MIX23: variants seen among roughly 807,000 people sequenced by gnomAD.
MIX23 encodes the protein protein MIX23.
In MIX23, 13 loss-of-function variants were observed where a neutral mutation model predicts 21.6. The ratio of observed to expected loss-of-function variants is 0.60; its 90% CI spans 0.39 to 0.96. The LOEUF (loss-of-function observed/expected upper bound fraction) is 0.96. Among genes scored for constraint, MIX23 ranks in the 40% least tolerant of loss-of-function variants. The pLI is 0.00. For missense variants in MIX23, 144 were observed against 171.2 expected (o/e 0.84, Z 0.89); for synonymous variants, 59 against 58.0 (o/e 1.02, Z -0.08).
At position 122,363,032 on chromosome 3, in the gene MIX23, A is replaced by G. The variant is rs747300141; in HGVS notation, c.325-5T>C. ...TTCTGACTGCATCCATTTCAACTGC[A>G]AGAAAAAAAAAAATTGAAGTTATAA... On this transcript the variant is annotated splice_region_variant and splice_polypyrimidine_tract_variant and intron_variant, in intron 3 of 4. Transcript: ENST00000291458. 2.5e-6 allele frequency: 4 copies of G among 1,604,306 alleles called. No homozygotes were observed. The highest frequency in any genetic ancestry group is 2.6e-6 in the Non-Finnish European group (3 of 1,176,254).
intron 2 of MIX23, among the ~76,000 whole-genome samples, chr3:122,368,573 A>G (rs890636604): frequency 6.6e-6 from 1 of 152,060 alleles, no homozygotes; most frequent in African/African-American, 2.4e-5. Flanking sequence ...CCTGGTATTG[A>G]CTTCAGCTTT....
chr3:122,373,648 T>A (rs929025485), intron 1 of MIX23, among the ~76,000 whole-genome samples: 18 of 152,222 alleles, frequency 1.2e-4, no homozygotes, highest in Non-Finnish European at 2.5e-4. Context: ...ACTTTCTCAT[T>A]AACAAACATT....
At chr3:122,377,239 A>G (rs2075494996) in intron 1 of MIX23, among the ~76,000 whole-genome samples, 1 of 152,232 alleles carries the variant, frequency 6.6e-6, no homozygotes, top group Non-Finnish European at 1.5e-5. Flanking sequence ...AGAAAAAACA[A>G]AAAACAAAAA....
intron 2 of MIX23, among the ~76,000 whole-genome samples, chr3:122,370,289 C>G (rs932365995): frequency 3.3e-5 from 5 of 151,496 alleles, no homozygotes; most frequent in Non-Finnish European, 7.4e-5. Flanking sequence ...CCTATCTCTA[C>G]CAAAAAATAC....
chr3:122,374,621 T>C (rs2075469108), intron 1 of MIX23, among the ~76,000 whole-genome samples: 1 of 151,938 alleles, frequency 6.6e-6, no homozygotes, highest in Non-Finnish European at 1.5e-5. Context: ...CGATCCACGG[T>C]TGATTGAATC....
chr3:122,361,209 T>G (rs575364369), intron 4 of MIX23, among the ~76,000 whole-genome samples: 55 of 152,308 alleles, frequency 3.6e-4, no homozygotes, highest in African/African-American at 1.3e-3. Flanking sequence ...TTTATTAATA[T>G]TCATTAAATT....
intron 1 of MIX23, among the ~76,000 whole-genome samples, chr3:122,378,798 A>G (rs1014586710): frequency 6.6e-6 from 1 of 152,218 alleles, no homozygotes; most frequent in African/African-American, 2.4e-5. Context: ...AGAATTATCA[A>G]TATATGATCT....
At chr3:122,360,404 GA>G (rs1409631439) in intron 4 of MIX23, among the ~76,000 whole-genome samples, 2 of 151,468 alleles carry the variant, frequency 1.3e-5, no homozygotes, top group Non-Finnish European at 2.9e-5. Context: ...ATTATCAAGG[GA>G]AAAAAAAGTG....
intron 1 of MIX23, among the ~76,000 whole-genome samples, chr3:122,382,488 T>G: frequency 6.6e-6 from 1 of 152,216 alleles, no homozygotes; most frequent in East Asian, 1.9e-4. Context: ...GATCATGATT[T>G]TGGAATTCAA....
At chr3:122,371,626 C>T in intron 2 of MIX23, 49 bp downstream of exon 2, 1 of 1,597,254 alleles carries the variant, frequency 6.3e-7, no homozygotes. Context: ...CTTATTCAGC[C>T]TGCAAAGAAA....
intron 1 of MIX23, among the ~76,000 whole-genome samples, chr3:122,376,133 A>G (rs1240133941): frequency 3.8e-5 from 5 of 130,164 alleles, no homozygotes; most frequent in Non-Finnish European, 7.8e-5. Flanking sequence ...ACTGCATTCC[A>G]GCCTGCCTGG....
At chr3:122,367,518 C>T (rs778967502) in intron 3 of MIX23, among the ~76,000 whole-genome samples, 7 of 152,094 alleles carry the variant, frequency 4.6e-5, no homozygotes, top group Non-Finnish European at 1.0e-4. Context: ...CTGACACATC[C>T]CTAGGTAGGT....
chr3:122,366,781 A>T (rs1325436815), intron 3 of MIX23: 1 of 152,088 alleles, frequency 6.6e-6, no homozygotes, highest in Non-Finnish European at 1.5e-5. Flanking sequence ...CTCTACCCAA[A>T]ATACAAAAAA....
At position 122,363,046 on chromosome 3, in the gene MIX23, T is replaced by C. The variant is rs987747842; in HGVS notation, c.325-19A>G. ...ATTTCAACTGCAAGAAAAAAAAAAA[T>C]TGAAGTTATAAAATTTAAAGAGCAA... On this transcript the variant is annotated intron_variant, in intron 3 of 4. Transcript: ENST00000291458. 1 of 1,533,624 alleles carries C rather than the reference T, an allele frequency of 6.5e-7. No homozygotes were observed. Among genetic ancestry groups the C allele is most frequent in the Non-Finnish European group, 8.9e-7 (1 of 1,121,126 alleles).
chr3:122,367,390 T>C (rs73186091), intron 3 of MIX23, among the ~76,000 whole-genome samples: 2,548 of 152,338 alleles, frequency 0.017, 59 homozygotes, highest in East Asian at 0.088. Context: ...TATTTTTCTA[T>C]TGTTTCCTTG....
intron 3 of MIX23, among the ~76,000 whole-genome samples, chr3:122,364,125 C>T (rs1458827463): frequency 1.3e-5 from 2 of 152,208 alleles, no homozygotes; most frequent in African/African-American, 4.8e-5. Flanking sequence ...GCAGTTCAGG[C>T]AGGAGGTTTG....
At chr3:122,362,898 C>A (rs547949134) in intron 4 of MIX23, 70 bp downstream of exon 4, 2 of 1,265,948 alleles carry the variant, frequency 1.6e-6, no homozygotes, top group African/African-American at 3.0e-5. Context: ...TTTACTCCCC[C>A]TCCCTTGGTT....
intron 3 of MIX23, chr3:122,366,884 G>A (rs772814499): frequency 6.6e-6 from 1 of 152,058 alleles, no homozygotes; most frequent in African/African-American, 2.4e-5. Flanking sequence ...GTTGCAGTAA[G>A]CTGAGATTGC....
chr3:122,381,178 T>C (rs866271911), intron 1 of MIX23, among the ~76,000 whole-genome samples: 18 of 152,336 alleles, frequency 1.2e-4, no homozygotes, highest in East Asian at 5.8e-4. Flanking sequence ...TCTTTTTTCT[T>C]CCCAATATTT....
Sources: gnomAD v4.1 joint callset for allele counts (sites outside exome capture counted in the v4.1 genomes callset) on GRCh38, gnomAD v4.1.1 for gene constraint, MANE v1.5 for transcripts, NCBI Gene and HGNC (gene_info 2026-07-23, HGNC 2026-07-21) for gene names.